ARHGEF26: variants seen among roughly 807,000 people sequenced by gnomAD.
ARHGEF26 encodes Rho guanine nucleotide exchange factor (GEF) 26.
In ARHGEF26, 59 loss-of-function variants were observed where a neutral mutation model predicts 89.4. The observed-to-expected ratio is 0.66, with a 90% CI of 0.54 to 0.82. The LOEUF (loss-of-function observed/expected upper bound fraction) is 0.82, where lower values mean the gene tolerates loss of function less well. Among genes scored for constraint, ARHGEF26 ranks in the 40% least tolerant of loss-of-function variants. The pLI, the probability that ARHGEF26 is intolerant of heterozygous loss-of-function variation, is 0.00. For synonymous variants in ARHGEF26, 500 were observed against 428.4 expected (o/e 1.17, Z -2.06); for missense variants, 1,234 against 1,085.6 (o/e 1.14, Z -1.92).
intron 11 of ARHGEF26, among the ~76,000 whole-genome samples, chr3:154,239,297 AGAGTGTGTGT>A (rs1481512271): frequency 8.3e-4 from 44 of 53,016 alleles, no homozygotes; most frequent in South Asian, 2.9e-3. Context: ...AGAGAGAGAG[AGAGTGTGTGT>A]GTGTGTGTGT....
intron 9 of ARHGEF26, among the ~76,000 whole-genome samples, chr3:154,200,032 A>G (rs1334656767): frequency 4.0e-5 from 6 of 151,866 alleles, no homozygotes; most frequent in Admixed American, 3.3e-4. Context: ...TGTTGACTCT[A>G]TACTTTGCTC....
chr3:154,122,256 G>A lies in ARHGEF26; in HGVS notation c.264G>A (p.Arg88=), dbSNP rs776922716. The A allele has an allele frequency of 3.1e-6, 5 of 1,612,010 alleles. No individual in the cohort carries two copies. In the South Asian group the frequency reaches 3.3e-5, roughly 11 times the overall value. ...GCCCCCTGCTTCTGGGCGCCCAGCG[G>A]AGAGCGGTGGCCAATGGTGGGACGG... ...HRSPLLLGAQ[R]RAVANGGTAS... is the part of the protein sequence containing the mutation. Residue 88 remains arginine (R), a synonymous_variant, in exon 2 of 15, where the codon CGG becomes CGA. Coordinates refer to ENST00000465093, the MANE Select transcript of ARHGEF26 (RefSeq NM_015595.4).
chr3:154,143,353 C>G (rs1484134299), intron 4 of ARHGEF26, among the ~76,000 whole-genome samples: 1 of 151,976 alleles, frequency 6.6e-6, no homozygotes, highest in African/African-American at 2.4e-5. Flanking sequence ...AATATCTTTT[C>G]ATGTTATTAA....
chr3:154,186,978 G>T (rs1398878961), intron 6 of ARHGEF26, among the ~76,000 whole-genome samples: 1 of 121,318 alleles, frequency 8.2e-6, no homozygotes, highest in Non-Finnish European at 1.6e-5. Context: ...TGCAACCTCC[G>T]CCTCCTGGGT....
At chr3:154,154,309 G>A (rs1720196652) in intron 6 of ARHGEF26, among the ~76,000 whole-genome samples, 1 of 152,010 alleles carries the variant, frequency 6.6e-6, no homozygotes, top group Non-Finnish European at 1.5e-5. Flanking sequence ...CTTTTGAAAT[G>A]AGGTGGTATT....
chr3:154,209,691 G>A (rs982927970), intron 9 of ARHGEF26, among the ~76,000 whole-genome samples: 12 of 152,276 alleles, frequency 7.9e-5, no homozygotes, highest in African/African-American at 2.4e-4. Context: ...TGATTGCGCC[G>A]GGTAAGACCT....
At chr3:154,240,172 G>T (rs1380872703) in intron 11 of ARHGEF26, among the ~76,000 whole-genome samples, 198 bp from the exon 12 acceptor site, 1 of 152,092 alleles carries the variant, frequency 6.6e-6, no homozygotes, top group African/African-American at 2.4e-5. Context: ...ATAGTAATTA[G>T]GTTTAATTGG....
intron 10 of ARHGEF26, among the ~76,000 whole-genome samples, chr3:154,221,403 T>C (rs1299337985): frequency 6.6e-6 from 1 of 152,198 alleles, no homozygotes; most frequent in East Asian, 1.9e-4. Flanking sequence ...TTTACCCCAA[T>C]GGTGTGCAAT....
At chr3:154,138,677 A>G (rs1305113618) in intron 4 of ARHGEF26, among the ~76,000 whole-genome samples, 2 of 152,304 alleles carry the variant, frequency 1.3e-5, no homozygotes, top group South Asian at 4.1e-4. Flanking sequence ...CATAACTACA[A>G]AGGCAGATGT....
chr3:154,142,702 A>G (rs370318924), intron 4 of ARHGEF26, among the ~76,000 whole-genome samples: 12 of 152,220 alleles, frequency 7.9e-5, no homozygotes, highest in African/African-American at 2.9e-4. Context: ...CTTTAGAAAT[A>G]GGTGTTCTTT....
chr3:154,201,091 G>A (rs1559894344), intron 9 of ARHGEF26, among the ~76,000 whole-genome samples: 1 of 151,930 alleles, frequency 6.6e-6, no homozygotes, highest in Non-Finnish European at 1.5e-5. Context: ...CCATGTTGGT[G>A]TGCTGCACCC....
At chr3:154,247,405 C>T (rs1312020558) in intron 12 of ARHGEF26, among the ~76,000 whole-genome samples, 3 of 152,174 alleles carry the variant, frequency 2.0e-5, no homozygotes, top group Admixed American at 6.5e-5. Flanking sequence ...TCATCTTTCC[C>T]CATCTTTCCA....
Position 154,122,853 on chromosome 3 carries a change from A to AC in ARHGEF26, c.865dup (p.Leu289ProfsTer9), listed in dbSNP as rs1300257395. Reference sequence around the variant, plus strand: ...GCAGCATGGTGGAGGGCCTAGGAGGACCCCTGGGTCACGCAGGGGAGGAGA... The same window carrying AC: ...GCAGCATGGTGGAGGGCCTAGGAGGACCCCCTGGGTCACGCAGGGGAGGAGA... On this transcript the variant is annotated frameshift_variant, in exon 2 of 15. Transcript: ENST00000465093. LOFTEE classifies it high-confidence loss of function. 6.2e-7 allele frequency: 1 copy of AC among 1,612,848 alleles called. No individual in the cohort carries two copies. The highest frequency in any genetic ancestry group is 1.1e-5 in the South Asian group (1 of 90,750).
intron 9 of ARHGEF26, among the ~76,000 whole-genome samples, chr3:154,216,490 TTA>T (rs200685700): frequency 2.9e-4 from 8 of 27,362 alleles, no homozygotes; most frequent in African/African-American, 7.1e-4. Flanking sequence ...TTTTTTTTTT[TTA>T]TTTTTTTTTA....
At chr3:154,123,921 G>GAT (rs375688077) in intron 2 of ARHGEF26, among the ~76,000 whole-genome samples, 1 of 151,482 alleles carries the variant, frequency 6.6e-6, no homozygotes, top group East Asian at 1.9e-4. Flanking sequence ...CAATAAGGCA[G>GAT]ATTCTTTTTG....
At chr3:154,189,087 G>A (rs932083005) in intron 7 of ARHGEF26, among the ~76,000 whole-genome samples, 3 of 152,036 alleles carry the variant, frequency 2.0e-5, no homozygotes, top group African/African-American at 7.3e-5. Flanking sequence ...GGTGGGAACC[G>A]CTGCTATAGG....
At chr3:154,232,085 T>G (rs1455536267) in intron 11 of ARHGEF26, among the ~76,000 whole-genome samples, 4 of 152,212 alleles carry the variant, frequency 2.6e-5, no homozygotes, top group African/African-American at 7.2e-5. Context: ...AAGCTGTGCC[T>G]GCTCTTCAGG....
intron 6 of ARHGEF26, among the ~76,000 whole-genome samples, chr3:154,185,841 A>T (rs1454561188): frequency 6.6e-6 from 1 of 152,186 alleles, no homozygotes; most frequent in Admixed American, 6.5e-5. Context: ...GCTACCAGTC[A>T]TCTCACTGGC....
chr3:154,219,738 C>G (rs1007558711), intron 10 of ARHGEF26, among the ~76,000 whole-genome samples: 3 of 151,422 alleles, frequency 2.0e-5, no homozygotes, highest in African/African-American at 7.3e-5. Flanking sequence ...ACAGTGAAAC[C>G]CCTTTTCTAC....
Sources: gnomAD v4.1 joint callset for allele counts (sites outside exome capture counted in the v4.1 genomes callset) on GRCh38, gnomAD v4.1.1 for gene constraint, MANE v1.5 for transcripts, NCBI Gene and HGNC (gene_info 2026-07-23, HGNC 2026-07-21) for gene names.